The following MAPK10 variants were observed in gnomAD, a reference collection of about 807,000 sequenced individuals.
MAPK10 encodes JNK3 alpha protein kinase.
MAPK10 carries 25 observed loss-of-function variants against 59.3 expected under a neutral mutation model. That is an observed-to-expected ratio of 0.42 (90% CI 0.31 to 0.59). MAPK10 has a LOEUF of 0.59. Among genes scored for constraint, MAPK10 ranks in the 20% least tolerant of loss-of-function variants. The pLI is 0.15. For synonymous variants in MAPK10, 190 were observed against 200.5 expected, an observed-to-expected ratio of 0.95 and a Z score of 0.44; for missense variants, 351 against 568.9, an observed-to-expected ratio of 0.62 and a Z score of 3.90.
At chr4:86,265,177 T>A (rs1423539175) in intron 2 of MAPK10, among the ~76,000 whole-genome samples, 1 of 152,096 alleles carries the variant, frequency 6.6e-6, no homozygotes, top group African/African-American at 2.4e-5. Flanking sequence ...ATGGGGATCC[T>A]GAGCCTGTTC....
chr4:86,556,111 T>C (rs1448195352), intron 1 of MAPK10, among the ~76,000 whole-genome samples: 5 of 152,300 alleles, frequency 3.3e-5, no homozygotes, highest in East Asian at 3.9e-4. Flanking sequence ...GTTTCAGAAA[T>C]AGGTGGGAAA....
At chr4:86,519,814 A>T (rs1364313154) in intron 1 of MAPK10, among the ~76,000 whole-genome samples, 1 of 152,136 alleles carries the variant, frequency 6.6e-6, no homozygotes. Context: ...GGCTTGATAG[A>T]GGCAAATTCT....
chr4:86,540,940 C>A (rs1758640081), intron 1 of MAPK10, among the ~76,000 whole-genome samples: 1 of 152,124 alleles, frequency 6.6e-6, no homozygotes, highest in Non-Finnish European at 1.5e-5. Context: ...CTATCTTGAA[C>A]AACAAAAGCA....
intron 2 of MAPK10, among the ~76,000 whole-genome samples, chr4:86,305,033 A>C (rs1200241742): frequency 6.6e-6 from 1 of 152,228 alleles, no homozygotes; most frequent in Non-Finnish European, 1.5e-5. Flanking sequence ...AGAGTGTTTA[A>C]AATTAAAATA....
intron 1 of MAPK10, among the ~76,000 whole-genome samples, chr4:86,590,568 G>A (rs1165715210): frequency 6.6e-6 from 1 of 152,150 alleles, no homozygotes; most frequent in Admixed American, 6.6e-5. Flanking sequence ...AGGATTGCTT[G>A]AGCCCAGGAG....
At chr4:86,130,746 A>AAG (rs1259218657) in intron 4 of MAPK10, among the ~76,000 whole-genome samples, 1 of 152,142 alleles carries the variant, frequency 6.6e-6, no homozygotes, top group Non-Finnish European at 1.5e-5. Context: ...ATTTTCAGAT[A>AAG]AGACACAGGA....
chr4:86,184,397 C>G (rs1433372564), intron 3 of MAPK10, among the ~76,000 whole-genome samples: 1 of 152,258 alleles, frequency 6.6e-6, no homozygotes, highest in Non-Finnish European at 1.5e-5. Flanking sequence ...CCTAAAAATT[C>G]AGGCCTACTC....
At chr4:86,514,233 C>A (rs1307860239) in intron 1 of MAPK10, among the ~76,000 whole-genome samples, 1 of 152,142 alleles carries the variant, frequency 6.6e-6, no homozygotes, top group Admixed American at 6.5e-5. Context: ...AAAAAACCCA[C>A]AAATTTGCAG....
intron 11 of MAPK10, among the ~76,000 whole-genome samples, chr4:86,055,227 A>G (rs1308199623): frequency 7.6e-6 from 1 of 132,430 alleles, no homozygotes; most frequent in African/African-American, 3.1e-5. Flanking sequence ...AATCACTAAC[A>G]TGCTAAACAT....
chr4:86,558,041 C>T (rs746636623), intron 1 of MAPK10, among the ~76,000 whole-genome samples: 2 of 151,960 alleles, frequency 1.3e-5, no homozygotes, highest in Non-Finnish European at 2.9e-5. Flanking sequence ...TGTCATTCTT[C>T]TGCAACAAAC....
rs1229589658 is a variant in MAPK10 at position 86,411,351 on chromosome 4, T to C, written c.-122+41679A>G. On this transcript the variant is annotated intron_variant, in intron 1 of 13. Transcript: ENST00000361569. ...GTGGTCAATTACAGAATAAGTGCAA[T>C]GTGGTGCTGAGAAGAATGTATACTC... Among the ~76,000 whole-genome samples the C allele has an allele frequency of 2.6e-5, 4 of 152,312 alleles. No homozygotes were observed. In the East Asian group the frequency reaches 7.7e-4, roughly 29 times the overall value.
At chr4:86,474,134 T>C (rs1233435294) in intron 1 of MAPK10, among the ~76,000 whole-genome samples, 1 of 152,248 alleles carries the variant, frequency 6.6e-6, no homozygotes, top group Non-Finnish European at 1.5e-5. Flanking sequence ...CATGTATATA[T>C]TTCCAACAGG....
intron 11 of MAPK10, chr4:86,040,823 A>T (rs1467154374): frequency 6.6e-6 from 1 of 152,162 alleles, no homozygotes; most frequent in East Asian, 1.9e-4. Context: ...GGACAACATA[A>T]TCAAAATGTT....
intron 2 of MAPK10, among the ~76,000 whole-genome samples, chr4:86,275,031 G>A (rs2094534162): frequency 2.0e-5 from 3 of 152,054 alleles, no homozygotes; most frequent in Non-Finnish European, 2.9e-5. Flanking sequence ...TCACCAGGAT[G>A]AATAAACTGT....
intron 1 of MAPK10, among the ~76,000 whole-genome samples, chr4:86,545,634 G>A (rs887194756): frequency 9.2e-5 from 14 of 152,158 alleles, no homozygotes; most frequent in African/African-American, 3.1e-4. Context: ...GTGGGACATC[G>A]GGGAGAGGGG....
rs368233196 is a variant in MAPK10 at position 86,059,927 on chromosome 4, G to T, written c.1110+4339C>A. On this transcript the variant is annotated intron_variant, in intron 11 of 13. Coordinates refer to ENST00000641462, the MANE Select transcript of MAPK10 (RefSeq NM_138982.4). ...TCCTCTGGGTTCTCAAGTACCCCAG[G>T]TTCACCTACTAGAGAAAAGAATTCC... 1.1e-4 allele frequency among the ~76,000 whole-genome samples: 16 copies of T among 152,176 alleles called. No homozygotes were observed. In the East Asian group the frequency reaches 2.1e-3, roughly 20 times the overall value.
chr4:86,479,426 C>A (rs1317381250), intron 1 of MAPK10, among the ~76,000 whole-genome samples: 1 of 151,798 alleles, frequency 6.6e-6, no homozygotes, highest in East Asian at 1.9e-4. Flanking sequence ...TTTTATTAGG[C>A]CCCAGTCTCA....
At chr4:86,493,674 A>G (rs1001037655) in intron 1 of MAPK10, among the ~76,000 whole-genome samples, 2 of 152,022 alleles carry the variant, frequency 1.3e-5, no homozygotes, top group Non-Finnish European at 2.9e-5. Context: ...AGGAAACCCC[A>G]CTTCCTCATG....
At chr4:86,563,992 C>T (rs538036640) in intron 1 of MAPK10, among the ~76,000 whole-genome samples, 10 of 152,148 alleles carry the variant, frequency 6.6e-5, no homozygotes, top group South Asian at 2.1e-4. Flanking sequence ...CCACCACACC[C>T]GGCTAATTTT....
Sources: allele counts gnomAD v4.1 joint callset (sites outside exome capture counted in the v4.1 genomes callset), GRCh38; gene constraint gnomAD v4.1.1; transcripts MANE v1.5; gene names NCBI Gene and HGNC (gene_info 2026-07-23, HGNC 2026-07-21).